Variants in ASIP observed in about 807,000 individuals in gnomAD.
ASIP encodes agouti-signaling protein.
In ASIP, 11 loss-of-function variants were observed where a neutral mutation model predicts 10.3. That is an observed-to-expected ratio of 1.07 (90% CI 0.68 to 1.78). The LOEUF is 1.78. ASIP is among the 40% of genes most tolerant of loss of function. The pLI is 0.00. For synonymous variants in ASIP, 70 were observed against 70.8 expected (o/e 0.99, Z 0.06); for missense variants, 180 against 169.2 (o/e 1.06, Z -0.35).
Position 34,222,939 on chromosome 20 carries a change from G to T in ASIP, c.-11+28179G>T, listed in dbSNP as rs964794177. On this transcript the variant is annotated intron_variant, in intron 1 of 3. Coordinates refer to the ASIP transcript ENST00000568305. The stretch of plus-strand genomic sequence containing the variant: ...TCTCGTTCACTCAGTGCTCAATGGT[G>T]CCCAGGCTGGAGTGCAGTGGCGTGA... Among the ~76,000 whole-genome samples the T allele has an allele frequency of 3.4e-4, 51 of 152,146 alleles. 1 individual carries two copies. Among genetic ancestry groups the T allele is most frequent in the African/African-American group, 1.2e-3 (51 of 41,422 alleles).
At chr20:34,195,324 G>T (rs2057058) in intron 1 of ASIP, among the ~76,000 whole-genome samples, 18,407 of 151,972 alleles carry the variant, frequency 0.12, 3,808 homozygotes, top group African/African-American at 0.42. Flanking sequence ...GAAGCGTTTG[G>T]TTGGGAGTCT....
At chr20:34,193,851 G>A (rs1219789337), upstream of ASIP, among the ~76,000 whole-genome samples, 1 of 152,186 alleles carries the variant, frequency 6.6e-6, no homozygotes, top group Non-Finnish European at 1.5e-5. Context: ...AGGCATAAGT[G>A]CAAATTTTTA....
chr20:34,218,835 T>C (rs1450406673), intron 1 of ASIP, among the ~76,000 whole-genome samples: 4 of 152,034 alleles, frequency 2.6e-5, no homozygotes, highest in Admixed American at 2.6e-4. Context: ...GCTAATTTTT[T>C]TGTATTTTTA....
At chr20:34,218,597 AT>A (rs947587122) in intron 1 of ASIP, among the ~76,000 whole-genome samples, 5 of 151,968 alleles carry the variant, frequency 3.3e-5, no homozygotes, top group African/African-American at 1.2e-4. Flanking sequence ...AATCCCAGGA[AT>A]TTTTCACAGT....
chr20:34,266,313 A>G (rs1252021088), intron 3 of ASIP, among the ~76,000 whole-genome samples: 1 of 151,158 alleles, frequency 6.6e-6, no homozygotes, highest in Non-Finnish European at 1.5e-5. Context: ...CCGTGCCACT[A>G]CACTCCAGCC....
intron 1 of ASIP, among the ~76,000 whole-genome samples, chr20:34,228,255 AT>A (rs1302566249): frequency 4.4e-4 from 1 of 2,254 alleles, no homozygotes; most frequent in Non-Finnish European, 5.1e-4. Flanking sequence ...TTTTTTATTT[AT>A]TTTTTTTTTG....
At position 34,269,191 on chromosome 20, in the gene ASIP, C is replaced by G. The variant is rs1184737382; in HGVS notation, c.*24C>G. 1.4e-6 allele frequency: 2 copies of G among 1,478,378 alleles called. No homozygotes were observed. Among genetic ancestry groups the G allele is most frequent in the Admixed American group, 2.3e-5 (1 of 43,440 alleles). The allele number at this position is 1,478,378 out of a possible 1,614,324, so 91.6% of individuals were successfully genotyped here. ...GAGCGCCCCCACTCCCGGCCGCGAG[C>G]AGGCAGGGCTTCGGGGACGCGGGGC... On this transcript the variant is annotated 3_prime_UTR_variant, in exon 4 of 4. Coordinates refer to ENST00000374954, the MANE Select transcript of ASIP (RefSeq NM_001672.3).
chr20:34,225,892 C>CTT (rs75406734), intron 1 of ASIP, among the ~76,000 whole-genome samples: 133 of 147,696 alleles, frequency 9.0e-4, no homozygotes, highest in African/African-American at 3.0e-3. Context: ...TGTGCACCTA[C>CTT]TTTTTTTTTT....
chr20:34,237,845 G>GT (rs1221386409), upstream of ASIP, among the ~76,000 whole-genome samples: 54 of 151,124 alleles, frequency 3.6e-4, no homozygotes, highest in East Asian at 7.8e-4. Context: ...TTTGTGGAGT[G>GT]TTTTTTTTTA....
At chr20:34,268,441 GGC>G (rs2035825996) in intron 3 of ASIP, among the ~76,000 whole-genome samples, 2 of 152,192 alleles carry the variant, frequency 1.3e-5, no homozygotes, top group Admixed American at 1.3e-4. Flanking sequence ...ACTTAGGCCG[GGC>G]GCGGTGGCTC....
At chr20:34,246,073 C>G (rs985882370) in intron 1 of ASIP, 1 of 881,544 alleles carries the variant, frequency 1.1e-6, no homozygotes, top group Non-Finnish European at 1.9e-6. Flanking sequence ...CTCCCCATTA[C>G]TGAGGCAGCA....
chr20:34,248,918 C>A (rs541250664), intron 1 of ASIP, among the ~76,000 whole-genome samples: 1 of 149,312 alleles, frequency 6.7e-6, no homozygotes, highest in Non-Finnish European at 1.5e-5. Context: ...TCTAATAATT[C>A]ATCAGCCTGG....
intron 1 of ASIP, among the ~76,000 whole-genome samples, chr20:34,201,847 T>G (rs527842485): frequency 1.3e-5 from 2 of 152,216 alleles, no homozygotes; most frequent in Non-Finnish European, 2.9e-5. Flanking sequence ...GTTATAAAGC[T>G]TCTACTTTTA....
chr20:34,235,674 C>T (rs571626462), intron 1 of ASIP, among the ~76,000 whole-genome samples: 3 of 151,278 alleles, frequency 2.0e-5, no homozygotes, highest in Admixed American at 6.6e-5. Context: ...GCCCCTACTA[C>T]TCAGGAGGCA....
At chr20:34,204,418 C>A (rs1236978976) in intron 1 of ASIP, among the ~76,000 whole-genome samples, 4 of 152,020 alleles carry the variant, frequency 2.6e-5, no homozygotes, top group Non-Finnish European at 5.9e-5. Context: ...GGGGTTTCTC[C>A]ATGTTGGTTA....
intron 1 of ASIP, among the ~76,000 whole-genome samples, chr20:34,259,623 G>A (rs1481110288): frequency 2.0e-5 from 3 of 151,990 alleles, no homozygotes; most frequent in African/African-American, 7.3e-5. Flanking sequence ...ATGGGCACCT[G>A]TAGCCCTAGC....
At chr20:34,190,523 A>G (rs1471463318), upstream of ASIP, among the ~76,000 whole-genome samples, 2 of 152,142 alleles carry the variant, frequency 1.3e-5, no homozygotes, top group African/African-American at 2.4e-5. Flanking sequence ...TGTCTAGTTT[A>G]GATCTCTCTC....
At chr20:34,237,293 G>T (rs960511554), upstream of ASIP, among the ~76,000 whole-genome samples, 26 of 152,064 alleles carry the variant, frequency 1.7e-4, no homozygotes, top group African/African-American at 6.0e-4. Flanking sequence ...ATTTTGTTAG[G>T]AATTGTATTG....
intron 1 of ASIP, chr20:34,215,855 G>T: frequency 7.8e-7 from 1 of 1,287,664 alleles, no homozygotes; most frequent in Non-Finnish European, 1.1e-6. Flanking sequence ...GTCTGAATCA[G>T]CATTTGGATT....
Sources: gnomAD v4.1 joint callset for allele counts (sites outside exome capture counted in the v4.1 genomes callset) on GRCh38, gnomAD v4.1.1 for gene constraint, MANE v1.5 for transcripts, NCBI Gene and HGNC (gene_info 2026-07-23, HGNC 2026-07-21) for gene names.